CDK14: variants seen among roughly 807,000 people sequenced by gnomAD.
CDK14 encodes the protein cyclin dependent kinase 14, also known as cyclin-dependent kinase 14.
Under a neutral mutation model 60.7 loss-of-function variants are expected in CDK14, and 34 were observed. The observed-to-expected ratio is 0.56, with a 90% CI of 0.43 to 0.75. CDK14 has a LOEUF of 0.75. CDK14 is among the 30% of genes least tolerant of loss of function. The pLI is 0.00. For missense variants in CDK14, 482 were observed against 564.1 expected, an observed-to-expected ratio of 0.85 and a Z score of 1.47; for synonymous variants, 197 against 203.7, an observed-to-expected ratio of 0.97 and a Z score of 0.28.
intron 11 of CDK14, among the ~76,000 whole-genome samples, chr7:91,068,682 G>C (rs1798048422): frequency 6.6e-6 from 1 of 151,720 alleles, no homozygotes; most frequent in Non-Finnish European, 1.5e-5. Context: ...CATTCACTCG[G>C]TTCCCATAGC....
intron 11 of CDK14, among the ~76,000 whole-genome samples, chr7:91,063,399 C>T (rs768852918): frequency 1.3e-4 from 20 of 152,200 alleles, no homozygotes; most frequent in African/African-American, 1.9e-4. Context: ...TTATTCGCTC[C>T]GGCGTAAGAT....
At chr7:90,696,348 T>C (rs13225847) in intron 2 of CDK14, among the ~76,000 whole-genome samples, 1 of 89,106 alleles carries the variant, frequency 1.1e-5, no homozygotes, top group Non-Finnish European at 2.4e-5. Flanking sequence ...TTTTTTTTTT[T>C]TTTTTTTTTT....
chr7:90,910,926 C>T (rs1430343259), intron 7 of CDK14, among the ~76,000 whole-genome samples: 5 of 152,118 alleles, frequency 3.3e-5, no homozygotes, highest in African/African-American at 4.8e-5. Flanking sequence ...GATCCTCTCC[C>T]TTCCCCCACC....
At chr7:90,936,923 T>C (rs1254791218) in intron 8 of CDK14, among the ~76,000 whole-genome samples, 1 of 152,046 alleles carries the variant, frequency 6.6e-6, no homozygotes, top group Admixed American at 6.6e-5. Context: ...TACAATTTTT[T>C]TTTTAATTAG....
intron 2 of CDK14, among the ~76,000 whole-genome samples, chr7:90,639,401 CCT>C (rs1800256864): frequency 6.6e-6 from 1 of 151,996 alleles, no homozygotes; most frequent in Non-Finnish European, 1.5e-5. Context: ...CACTCCAGAC[CCT>C]GTTTGCCTGG....
At chr7:90,782,953 G>T (rs1455692082) in intron 4 of CDK14, among the ~76,000 whole-genome samples, 2 of 152,040 alleles carry the variant, frequency 1.3e-5, no homozygotes, top group African/African-American at 4.8e-5. Context: ...TGTCTCCTTG[G>T]GAGCCTGGAT....
chr7:91,081,509 A>G (rs766574955), intron 12 of CDK14, among the ~76,000 whole-genome samples: 4 of 152,242 alleles, frequency 2.6e-5, no homozygotes, highest in Non-Finnish European at 5.9e-5. Flanking sequence ...GTGGGTTAAT[A>G]TAAAAAAGTA....
chr7:90,600,190 C>T (rs963337120), intron 1 of CDK14, among the ~76,000 whole-genome samples: 2 of 152,138 alleles, frequency 1.3e-5, no homozygotes, highest in South Asian at 2.1e-4. Context: ...ATAGTGTCAG[C>T]GTGGTTCCTT....
At chr7:91,149,604 A>G (rs1800771806) in intron 14 of CDK14, among the ~76,000 whole-genome samples, 1 of 152,218 alleles carries the variant, frequency 6.6e-6, no homozygotes, top group African/African-American at 2.4e-5. Context: ...TTAGGCTGAC[A>G]AAAGCTTGTT....
At chr7:91,138,551 A>C (rs1316200499) in intron 14 of CDK14, among the ~76,000 whole-genome samples, 2 of 152,144 alleles carry the variant, frequency 1.3e-5, no homozygotes, top group Non-Finnish European at 2.9e-5. Context: ...AGACCTAGGG[A>C]ATTCTTTCTG....
At chr7:91,053,798 G>A (rs541027400) in intron 11 of CDK14, among the ~76,000 whole-genome samples, 1 of 152,240 alleles carries the variant, frequency 6.6e-6, no homozygotes, top group South Asian at 2.1e-4. Flanking sequence ...TTCCATGCAG[G>A]AAGACTGCGG....
At chr7:90,921,049 C>T (rs1234330440) in intron 8 of CDK14, among the ~76,000 whole-genome samples, 4 of 152,078 alleles carry the variant, frequency 2.6e-5, no homozygotes, top group Admixed American at 6.5e-5. Flanking sequence ...TGTGGCTTTC[C>T]TAATGCAGAG....
intron 5 of CDK14, among the ~76,000 whole-genome samples, chr7:90,829,705 G>C (rs1562789793): frequency 3.9e-5 from 6 of 152,050 alleles, no homozygotes; most frequent in Admixed American, 3.9e-4. Flanking sequence ...GCTAATTTTT[G>C]TATTTTTAGT....
intron 5 of CDK14, among the ~76,000 whole-genome samples, chr7:90,843,688 G>T (rs3802025): frequency 6.6e-6 from 1 of 151,826 alleles, no homozygotes; most frequent in African/African-American, 2.4e-5. Flanking sequence ...CACATAATCT[G>T]TGCATAGCAG....
intron 14 of CDK14, among the ~76,000 whole-genome samples, chr7:91,131,092 AT>A (rs71695551): frequency 4.1e-4 from 60 of 147,722 alleles, no homozygotes; most frequent in African/African-American, 9.9e-4. Context: ...TTAGTTTTTT[AT>A]TTTTTTTTTG....
chr7:90,871,043 A>T (rs538039111), intron 6 of CDK14, among the ~76,000 whole-genome samples: 2 of 152,286 alleles, frequency 1.3e-5, no homozygotes, highest in Admixed American at 1.3e-4. Flanking sequence ...AATTGACATC[A>T]TCATGGAGAA....
At chr7:90,694,051 G>A (rs74401480) in intron 2 of CDK14, among the ~76,000 whole-genome samples, 10,893 of 152,234 alleles carry the variant, frequency 0.072, 527 homozygotes, top group East Asian at 0.19. Context: ...TGTTCAAGAG[G>A]TGGGAAGGAA....
chr7:91,034,756 A>G (rs1009926842), intron 10 of CDK14, among the ~76,000 whole-genome samples: 5 of 152,198 alleles, frequency 3.3e-5, no homozygotes, highest in East Asian at 3.8e-4. Context: ...CCAGAATCAT[A>G]GTATTTTAAG....
chr7:91,081,330 C>A (rs1317950947), intron 12 of CDK14, among the ~76,000 whole-genome samples: 1 of 152,156 alleles, frequency 6.6e-6, no homozygotes, highest in Admixed American at 6.5e-5. Flanking sequence ...AAGACTATTA[C>A]GCGAGTGATG....
Sources: allele counts gnomAD v4.1 joint callset (sites outside exome capture counted in the v4.1 genomes callset), GRCh38; gene constraint gnomAD v4.1.1; transcripts MANE v1.5; gene names NCBI Gene and HGNC (gene_info 2026-07-23, HGNC 2026-07-21).